PCID2: variants seen among roughly 807,000 people sequenced by gnomAD.
The protein encoded by PCID2 is PCI domain-containing protein 2.
In PCID2, 41 loss-of-function variants were observed where a neutral mutation model predicts 61.3. The observed-to-expected ratio is 0.67, with a 90% CI of 0.52 to 0.87. The LOEUF is 0.87. PCID2 is among the 40% of genes least tolerant of loss of function. The pLI is 0.00. For missense variants in PCID2, 392 were observed against 493.4 expected, an observed-to-expected ratio of 0.79 and a Z score of 1.95; for synonymous variants, 187 against 177.8, an observed-to-expected ratio of 1.05 and a Z score of -0.41.
At chr13:113,185,385 C>G (rs1456211053) in intron 8 of PCID2, 100 bp downstream of exon 8, 1 of 835,200 alleles carries the variant, frequency 1.2e-6, no homozygotes, top group Admixed American at 1.9e-5. Flanking sequence ...GATCATTTCA[C>G]AAGCAACGCC....
At chr13:113,165,086 A>G in the PCID2 span, 4 of 1,612,810 alleles carry the variant, frequency 2.5e-6, no homozygotes, top group Non-Finnish European at 3.4e-6. Flanking sequence ...ACCTCTGAGA[A>G]GCGTGCACCG....
intron 7 of PCID2, chr13:113,187,219 G>C (rs909733281): frequency 2.0e-5 from 3 of 152,228 alleles, no homozygotes; most frequent in Non-Finnish European, 4.4e-5. Context: ...TACACGCATG[G>C]TAATATCGTA....
Position 113,197,808 on chromosome 13 carries a change from G to A in PCID2, c.200+383C>T, listed in dbSNP as rs1200951336. On this transcript the variant is annotated intron_variant, in intron 3 of 13. Coordinates refer to ENST00000337344, the MANE Select transcript of PCID2 (RefSeq NM_001127202.4). ...CTTCTGCCTGAACTGATCCTTTAGAGATAAAACAGTAGATATGAAGTGTAC... is the reference window on the plus strand; with the variant it reads ...CTTCTGCCTGAACTGATCCTTTAGAAATAAAACAGTAGATATGAAGTGTAC... Among the ~76,000 whole-genome samples, 4 of 152,234 alleles carry A rather than the reference G, an allele frequency of 2.6e-5. No homozygotes were observed. In the South Asian group the frequency reaches 8.3e-4, roughly 31 times the overall value.
At chr13:113,168,477 C>T in the PCID2 span, among the ~76,000 whole-genome samples, 3 of 152,236 alleles carry the variant, frequency 2.0e-5, no homozygotes, top group Non-Finnish European at 4.4e-5. Context: ...TGGGCCTGCC[C>T]CACTGCCTTC....
At chr13:113,176,053 T>G (rs2037180130), downstream of PCID2, among the ~76,000 whole-genome samples, 1 of 152,242 alleles carries the variant, frequency 6.6e-6, no homozygotes, top group Non-Finnish European at 1.5e-5. Flanking sequence ...GACCTGCAGA[T>G]GTAGGAGCGA....
the PCID2 span, chr13:113,172,013 C>T: frequency 6.2e-7 from 1 of 1,613,138 alleles, no homozygotes; most frequent in South Asian, 1.1e-5. Context: ...CACGGGGGTC[C>T]TGGGCTCGCA....
downstream of PCID2, among the ~76,000 whole-genome samples, chr13:113,175,509 A>T (rs1327125913): frequency 1.3e-5 from 2 of 152,254 alleles, no homozygotes; most frequent in African/African-American, 2.4e-5. Flanking sequence ...GCAGAGCAGC[A>T]GGGAAGATCA....
chr13:113,175,693 G>A (rs1365852475), downstream of PCID2, among the ~76,000 whole-genome samples: 1 of 152,238 alleles, frequency 6.6e-6, no homozygotes, highest in Non-Finnish European at 1.5e-5. Flanking sequence ...TGCTGCTGGG[G>A]AGCAGCTACG....
chr13:113,165,013 G>C, the PCID2 span: 1 of 1,594,820 alleles, frequency 6.3e-7, no homozygotes, highest in Non-Finnish European at 8.6e-7. Flanking sequence ...TCGCTGAGAA[G>C]GCGCTGATTT....
At chr13:113,204,705 C>T (rs529620436) in intron 1 of PCID2, among the ~76,000 whole-genome samples, 7 of 152,304 alleles carry the variant, frequency 4.6e-5, no homozygotes, top group South Asian at 2.1e-4. Context: ...TATCAATGCC[C>T]CTGCCTCAAT....
chr13:113,190,512 A>G (rs756530489), intron 7 of PCID2, among the ~76,000 whole-genome samples: 4 of 152,166 alleles, frequency 2.6e-5, no homozygotes, highest in Non-Finnish European at 5.9e-5. Context: ...TAAAAAAAAT[A>G]ACGAGAGTTT....
chr13:113,173,872 T>C (rs1187608605), downstream of PCID2, among the ~76,000 whole-genome samples: 1 of 152,196 alleles, frequency 6.6e-6, no homozygotes, highest in Non-Finnish European at 1.5e-5. Context: ...CAGAAATGTC[T>C]GCAATCTTGC....
chr13:113,172,212 C>A, the PCID2 span: 2 of 1,478,792 alleles, frequency 1.4e-6, no homozygotes, highest in South Asian at 1.2e-5. Flanking sequence ...GAGAGGCCGT[C>A]ACAGCCCCAG....
the PCID2 span, among the ~76,000 whole-genome samples, chr13:113,170,907 C>T: frequency 6.6e-6 from 1 of 150,482 alleles, no homozygotes; most frequent in Non-Finnish European, 1.5e-5. Flanking sequence ...TTCTCATCGG[C>T]TTATCTGTGC....
intron 6 of PCID2, 128 bp from the exon 7 acceptor site, chr13:113,191,103 C>T (rs2038579515): frequency 1.9e-6 from 1 of 518,038 alleles, no homozygotes; most frequent in African/African-American, 2.0e-5. Context: ...ACTGATCTTC[C>T]CATCTCAGCC....
Position 113,198,197 on chromosome 13 carries a change from T to C in PCID2, c.194A>G (p.His65Arg). The change falls in exon 3 of 14, where the codon CAT (histidine) becomes CGT (arginine). Residue 65 changes from histidine to arginine, a missense_variant. His to Arg is a conservative substitution (Grantham distance 29). Transcript: ENST00000337344. ...EPPYDEMFAA[H>R]LRCTYAVGNH... ...TTCCTCCCCAACAGATTACCTTAAA[T>C]GAGCTGCAAACATTTCATCATAAGG... 1.2e-6 allele frequency: 2 copies of C among 1,600,302 alleles called. No individual in the cohort carries two copies. The highest frequency in any genetic ancestry group is 1.7e-6 in the Non-Finnish European group (2 of 1,172,052).
chr13:113,181,275 C>A (rs776786507), intron 9 of PCID2, 45 bp from the exon 10 acceptor site: 1 of 1,155,586 alleles, frequency 8.7e-7, no homozygotes, highest in South Asian at 1.2e-5. Context: ...AACGCACCTG[C>A]TTCAGGCCCC....
chr13:113,208,260 C>A (rs2139024673), intron 1 of PCID2: 2 of 1,446,132 alleles, frequency 1.4e-6, no homozygotes, highest in African/African-American at 1.4e-5. Flanking sequence ...GGGCCCTCGG[C>A]GTGGCCCGCA....
chr13:113,185,276 A>G (rs2038008036), intron 8 of PCID2, among the ~76,000 whole-genome samples: 1 of 152,234 alleles, frequency 6.6e-6, no homozygotes, highest in African/African-American at 2.4e-5. Flanking sequence ...CAGAGGGCTG[A>G]TTGTCAACAG....
Sources: gnomAD v4.1 joint callset for allele counts (sites outside exome capture counted in the v4.1 genomes callset) on GRCh38, gnomAD v4.1.1 for gene constraint, MANE v1.5 for transcripts, NCBI Gene and HGNC (gene_info 2026-07-23, HGNC 2026-07-21) for gene names.